Variants in CALN1 observed in about 807,000 individuals in gnomAD.
CALN1 encodes the protein calneuron 1.
In CALN1, 17 loss-of-function variants were observed where a neutral mutation model predicts 30.6. That is an observed-to-expected ratio of 0.56 (90% CI 0.38 to 0.83). CALN1 has a LOEUF of 0.83. Among genes scored for constraint, CALN1 ranks in the 40% least tolerant of loss-of-function variants. CALN1 has a pLI of 0.00. For synonymous variants in CALN1, 156 were observed against 131.4 expected, an observed-to-expected ratio of 1.19 and a Z score of -1.28; for missense variants, 291 against 354.9, an observed-to-expected ratio of 0.82 and a Z score of 1.45.
the CALN1 span, among the ~76,000 whole-genome samples, chr7:72,498,649 C>T: frequency 6.6e-6 from 1 of 151,874 alleles, no homozygotes; most frequent in South Asian, 2.1e-4. Context: ...CATTTTTTGC[C>T]AGCAGATCTT....
At chr7:72,192,810 C>G (rs1213239091) in intron 3 of CALN1, among the ~76,000 whole-genome samples, 1 of 121,574 alleles carries the variant, frequency 8.2e-6, no homozygotes, top group Admixed American at 9.3e-5. Context: ...CCCCTCCCCC[C>G]ACCCCACAAC....
the CALN1 span, among the ~76,000 whole-genome samples, chr7:72,481,306 T>C: frequency 6.6e-6 from 1 of 152,214 alleles, no homozygotes; most frequent in African/African-American, 2.4e-5. Context: ...CAGGCTGGCC[T>C]GGAACTCCTG....
chr7:72,003,015 T>C (rs1799601959), intron 5 of CALN1, among the ~76,000 whole-genome samples: 1 of 152,202 alleles, frequency 6.6e-6, no homozygotes, highest in Admixed American at 6.5e-5. Flanking sequence ...TATTGTACAC[T>C]TGAAATTCCT....
At chr7:72,315,421 A>G (rs1800370747) in intron 2 of CALN1, among the ~76,000 whole-genome samples, 2 of 152,160 alleles carry the variant, frequency 1.3e-5, no homozygotes, top group African/African-American at 4.8e-5. Flanking sequence ...AATCCAAGCT[A>G]AAACACCAAC....
At chr7:72,489,795 C>T in the CALN1 span, among the ~76,000 whole-genome samples, 2 of 152,162 alleles carry the variant, frequency 1.3e-5, no homozygotes, top group Non-Finnish European at 2.9e-5. Context: ...GTTGTTGCAC[C>T]GTCTTCCTCA....
At chr7:72,118,797 A>G (rs185066815) in intron 3 of CALN1, among the ~76,000 whole-genome samples, 1 of 152,196 alleles carries the variant, frequency 6.6e-6, no homozygotes, top group Non-Finnish European at 1.5e-5. Flanking sequence ...AGTCAGAAGG[A>G]AGGGATCTCG....
At position 72,273,386 on chromosome 7, in the gene CALN1, C is replaced by T. The variant is rs190526092; in HGVS notation, c.244+5300G>A. Among the ~76,000 whole-genome samples, 10 of 137,166 alleles carry T rather than the reference C, an allele frequency of 7.3e-5. No homozygotes were observed. The South Asian group carries it at 2.4e-3, about 34-fold the overall frequency. 90.0% of individuals were successfully genotyped at this position (137,166 alleles called of 152,430 possible). A position where few individuals can be genotyped will look rare whatever the true frequency, so the allele number is the denominator to read the frequency against. On this transcript the variant is annotated intron_variant, in intron 3 of 6. Transcript: ENST00000395275. Reference sequence around the variant, plus strand: ...GCAGTGAGCCAAGATTGCACCACTGCACTCCAGCCTGGGCAACAGAGCAAG... The same window carrying T: ...GCAGTGAGCCAAGATTGCACCACTGTACTCCAGCCTGGGCAACAGAGCAAG...
intron 2 of CALN1, among the ~76,000 whole-genome samples, chr7:72,402,624 G>A (rs907718564): frequency 1.3e-5 from 2 of 152,150 alleles, no homozygotes; most frequent in Non-Finnish European, 2.9e-5. Context: ...GAGGGTCTCC[G>A]AGGAAAAGAA....
At chr7:71,967,975 C>T (rs1346644581) in intron 5 of CALN1, among the ~76,000 whole-genome samples, 2 of 152,160 alleles carry the variant, frequency 1.3e-5, no homozygotes, top group African/African-American at 4.8e-5. Flanking sequence ...AACATTTTGG[C>T]ATCTCTGTAT....
At chr7:71,850,104 A>C (rs577761675) in intron 5 of CALN1, among the ~76,000 whole-genome samples, 8 of 152,342 alleles carry the variant, frequency 5.3e-5, no homozygotes, top group African/African-American at 1.9e-4. Flanking sequence ...TGAAAGGAAA[A>C]AGTACTGGAA....
intron 5 of CALN1, among the ~76,000 whole-genome samples, chr7:72,009,683 GT>G (rs1799960093): frequency 6.6e-6 from 1 of 152,164 alleles, no homozygotes; most frequent in South Asian, 2.1e-4. Flanking sequence ...CATAGGGGTG[GT>G]TTCCCCCATA....
rs142927599 is a variant in CALN1 at position 72,407,889 on chromosome 7, T to A, written c.-74+4169A>T. Reference sequence around the variant, plus strand: ...GAGCTCAGAGAGTCAAGCTGGAAACTCAGACACAAACACACGGAACCGGGG... The same window carrying A: ...GAGCTCAGAGAGTCAAGCTGGAAACACAGACACAAACACACGGAACCGGGG... On this transcript the variant is annotated intron_variant, in intron 1 of 6. Transcript: ENST00000395275. Among the ~76,000 whole-genome samples the A allele has an allele frequency of 6.3e-3, 963 of 152,118 alleles. 5 individuals carry two copies. Among genetic ancestry groups the A allele is most frequent in the African/African-American group, 0.022 (920 of 41,490 alleles).
intron 5 of CALN1, among the ~76,000 whole-genome samples, chr7:72,014,874 G>C (rs980687851): frequency 6.6e-6 from 1 of 151,912 alleles, no homozygotes; most frequent in African/African-American, 2.4e-5. Flanking sequence ...TGTTACCCAG[G>C]CTGGTCTCAA....
chr7:72,291,712 A>G (rs908463210), intron 2 of CALN1, among the ~76,000 whole-genome samples: 2 of 152,146 alleles, frequency 1.3e-5, no homozygotes, highest in Admixed American at 1.3e-4. Flanking sequence ...TCCCGGGTTC[A>G]AGTGATTCTC....
chr7:72,183,231 T>C (rs529558671), intron 3 of CALN1, among the ~76,000 whole-genome samples: 11 of 152,194 alleles, frequency 7.2e-5, no homozygotes, highest in African/African-American at 2.6e-4. Flanking sequence ...GCCCAGCTAA[T>C]TTTTTGTATT....
intron 2 of CALN1, among the ~76,000 whole-genome samples, chr7:72,318,395 A>G (rs1800633905): frequency 6.6e-6 from 1 of 152,206 alleles, no homozygotes; most frequent in Non-Finnish European, 1.5e-5. Context: ...ATCACAGAGC[A>G]AGGGACAGAA....
chr7:72,304,916 A>AAT (rs1288991919), intron 2 of CALN1, among the ~76,000 whole-genome samples: 3 of 152,214 alleles, frequency 2.0e-5, no homozygotes, highest in Admixed American at 2.0e-4. Flanking sequence ...GCTAGAGAGA[A>AAT]ATTAAAATGA....
chr7:72,411,810 G>T (rs766934341), intron 1 of CALN1, among the ~76,000 whole-genome samples: 15 of 146,556 alleles, frequency 1.0e-4, no homozygotes, highest in Non-Finnish European at 1.6e-4. Context: ...AAAGTAATAA[G>T]AAAAGAACCA....
intron 5 of CALN1, among the ~76,000 whole-genome samples, chr7:71,879,078 G>A (rs545409664): frequency 1.3e-5 from 2 of 152,292 alleles, no homozygotes; most frequent in African/African-American, 4.8e-5. Flanking sequence ...AGAAAAATCT[G>A]CCTGTGTTTT....
Sources: allele counts gnomAD v4.1 joint callset (sites outside exome capture counted in the v4.1 genomes callset), GRCh38; gene constraint gnomAD v4.1.1; transcripts MANE v1.5; gene names NCBI Gene and HGNC (gene_info 2026-07-23, HGNC 2026-07-21).